Variants in USH2A observed in about 807,000 individuals in gnomAD.
The protein encoded by USH2A is Usher syndrome 2A (autosomal recessive, mild).
USH2A carries 443 observed loss-of-function variants against 538.9 expected under a neutral mutation model. The ratio of observed to expected loss-of-function variants is 0.82; its 90% CI spans 0.76 to 0.89. The LOEUF (loss-of-function observed/expected upper bound fraction) is 0.89. USH2A is among the 40% of genes least tolerant of loss of function. The pLI is 0.00. For synonymous variants in USH2A, 2,413 were observed against 2,273.5 expected (o/e 1.06, Z -1.75); for missense variants, 6,633 against 6,324.8 (o/e 1.05, Z -1.65).
chr1:216,385,551 C>T (rs1369790953), intron 3 of USH2A, among the ~76,000 whole-genome samples: 1 of 152,166 alleles, frequency 6.6e-6, no homozygotes, highest in Non-Finnish European at 1.5e-5. Context: ...TTAACTGCTC[C>T]ATAATCCAAC....
chr1:215,933,734 C>T (rs554463976), intron 38 of USH2A, among the ~76,000 whole-genome samples: 2 of 151,994 alleles, frequency 1.3e-5, no homozygotes, highest in Non-Finnish European at 2.9e-5. Context: ...TGACATTCTC[C>T]CTTAGTTCAG....
intron 4 of USH2A, among the ~76,000 whole-genome samples, chr1:216,349,595 G>C (rs1243973208): frequency 6.6e-6 from 1 of 152,152 alleles, no homozygotes; most frequent in Non-Finnish European, 1.5e-5. Context: ...TCTCCCATCA[G>C]TACCATGACA....
chr1:215,989,255 G>A (rs752961569), intron 35 of USH2A, among the ~76,000 whole-genome samples: 8 of 152,136 alleles, frequency 5.3e-5, no homozygotes, highest in Non-Finnish European at 4.4e-5. Flanking sequence ...TTTGAAACCT[G>A]AGTGTGCAAA....
chr1:215,938,091 T>G (rs915277089), intron 37 of USH2A, among the ~76,000 whole-genome samples: 1 of 152,134 alleles, frequency 6.6e-6, no homozygotes, highest in African/African-American at 2.4e-5. Flanking sequence ...GATTACTCAG[T>G]AATTATAAGA....
intron 40 of USH2A, among the ~76,000 whole-genome samples, chr1:215,893,545 C>T (rs1558148604): frequency 6.6e-6 from 1 of 152,152 alleles, no homozygotes; most frequent in Non-Finnish European, 1.5e-5. Flanking sequence ...TATACTTTTC[C>T]TGCTAAAGTG....
At chr1:216,128,967 A>AT (rs771687073) in intron 21 of USH2A, among the ~76,000 whole-genome samples, 2 of 151,910 alleles carry the variant, frequency 1.3e-5, no homozygotes, top group East Asian at 1.9e-4. Flanking sequence ...CATGAGATCA[A>AT]TTTTTTTAGT....
intron 62 of USH2A, among the ~76,000 whole-genome samples, chr1:215,679,297 T>C (rs1038584430): frequency 1.3e-5 from 2 of 152,140 alleles, no homozygotes; most frequent in Non-Finnish European, 2.9e-5. Context: ...GTGGAATTGA[T>C]GTGGGAGTCT....
Position 215,888,841 on chromosome 1 carries a change from C to A in USH2A, c.7808G>T (p.Cys2603Phe). 1 of 1,614,144 alleles carries A rather than the reference C, an allele frequency of 6.2e-7. No individual in the cohort carries two copies. Among genetic ancestry groups the A allele is most frequent in the Non-Finnish European group, 8.5e-7 (1 of 1,180,010 alleles). Residue 2603 changes from cysteine (C) to phenylalanine (F), a missense_variant, in exon 41 of 72, where the codon TGC becomes TTC. Cys to Phe is a radical substitution (Grantham distance 205). Coordinates refer to ENST00000307340, the MANE Select transcript of USH2A (RefSeq NM_206933.4). ...TGAAAGGGAACATCCTTTTGAAGTG[C>A]AGGCTTCTACCTGAAACTTATAGGC... Reference protein sequence around the residue: ...YTAYKFQVEACTSKGCSLSPE... With the variant: ...YTAYKFQVEAFTSKGCSLSPE...
intron 21 of USH2A, among the ~76,000 whole-genome samples, chr1:216,137,835 C>T (rs1247529380): frequency 1.3e-5 from 2 of 152,108 alleles, no homozygotes; most frequent in Non-Finnish European, 2.9e-5. Context: ...ATCAAGTTGA[C>T]ACTCAGTATT....
chr1:215,901,279 A>G, intron 38 of USH2A: 1 of 328,604 alleles, frequency 3.0e-6, no homozygotes, highest in Non-Finnish European at 5.9e-6. Context: ...ACACTGAAGC[A>G]GTCCAGATCT....
intron 32 of USH2A, among the ~76,000 whole-genome samples, chr1:216,005,319 C>CT (rs1285872572): frequency 6.6e-6 from 1 of 152,050 alleles, no homozygotes; most frequent in Non-Finnish European, 1.5e-5. Context: ...TCCCCAGGTT[C>CT]TTGTTATATC....
In USH2A at chr1:216,325,569, A is replaced by C. The variant is rs3767698; in HGVS notation, c.879T>G (p.Leu293=). The C allele has an allele frequency of 2.4e-3, 3,826 of 1,613,342 alleles. 121 individuals are homozygous for C. The East Asian group carries it at 0.067, about 28-fold the overall frequency. Residue 293 remains leucine (L), a synonymous_variant, in exon 6 of 72, where the codon CTT becomes CTG. Coordinates refer to ENST00000307340, the MANE Select transcript of USH2A (RefSeq NM_206933.4). ...REILEVFSGD[L]LRLHAQSHCR... ...AATGTGATTGGGCATGCAATCTGAGAAGATCTCCAGAGAAGACTTCCAGAA... is the reference window on the plus strand; with the variant it reads ...AATGTGATTGGGCATGCAATCTGAGCAGATCTCCAGAGAAGACTTCCAGAA...
At chr1:216,403,312 C>G (rs144197783) in intron 3 of USH2A, among the ~76,000 whole-genome samples, 111 of 152,222 alleles carry the variant, frequency 7.3e-4, no homozygotes, top group African/African-American at 2.6e-3. Context: ...CAATCTACAG[C>G]TAACATCATA....
At chr1:215,963,247 C>T (rs893170571) in intron 37 of USH2A, among the ~76,000 whole-genome samples, 18 of 151,970 alleles carry the variant, frequency 1.2e-4, no homozygotes, top group Admixed American at 2.0e-4. Flanking sequence ...CCATGCAGAC[C>T]TCCCTACCCT....
intron 49 of USH2A, among the ~76,000 whole-genome samples, chr1:215,812,420 T>C (rs1450008969): frequency 6.6e-6 from 1 of 152,232 alleles, no homozygotes; most frequent in East Asian, 1.9e-4. Flanking sequence ...ATCTGTGCAA[T>C]GGGCAAGATG....
At chr1:215,744,033 C>T (rs1326155563) in intron 58 of USH2A, among the ~76,000 whole-genome samples, 4 of 152,066 alleles carry the variant, frequency 2.6e-5, no homozygotes, top group South Asian at 4.1e-4. Context: ...ACATATAAGG[C>T]AATTATGCTG....
intron 71 of USH2A, among the ~76,000 whole-genome samples, chr1:215,627,437 C>CTTCCTTCCTTCCTTCT (rs1656085050): frequency 5.9e-5 from 3 of 50,760 alleles, no homozygotes; most frequent in Admixed American, 2.1e-4. Flanking sequence ...TCCTTCCTTC[C>CTTCCTTCCTTCCTTCT]TTCCTTCCTT....
chr1:215,877,807 T>C lies in USH2A; in HGVS notation c.8632A>G (p.Asn2878Asp), dbSNP rs1406942984. 6.2e-6 allele frequency: 10 copies of C among 1,613,710 alleles called. No individual in the cohort carries two copies. The Admixed American group carries it at 8.3e-5, about 13-fold the overall frequency. The change falls in exon 43 of 72, where the codon AAT (asparagine) becomes GAT (aspartate). Residue 2878 changes from asparagine to aspartate, a missense_variant. Physicochemically the swap from Asn to Asp is conservative, Grantham distance 23. Transcript: ENST00000307340. ...AGCCACTGAGTTCCTGAATAAATAT[T>C]GTGCCACCGATTTAAATCTTCTGGG... is the stretch of plus-strand genomic sequence containing the variant. ...NPPEDLNRWH[N>D]IYSGTQWLYE... is the part of the protein sequence containing the mutation.
At chr1:215,855,245 G>A (rs1158754912) in intron 44 of USH2A, among the ~76,000 whole-genome samples, 1 of 152,010 alleles carries the variant, frequency 6.6e-6, no homozygotes, top group Non-Finnish European at 1.5e-5. Context: ...ACATTTGGAT[G>A]ACTAAAGAGT....
Sources: gnomAD v4.1 joint callset for allele counts (sites outside exome capture counted in the v4.1 genomes callset) on GRCh38, gnomAD v4.1.1 for gene constraint, MANE v1.5 for transcripts, NCBI Gene and HGNC (gene_info 2026-07-23, HGNC 2026-07-21) for gene names.